The following LHFPL3 variants were observed in gnomAD, a reference collection of about 807,000 sequenced individuals.
LHFPL3 encodes LHFPL tetraspan subfamily member 3 protein.
A neutral mutation model predicts 19.3 loss-of-function variants in LHFPL3; 5 were observed. The ratio of observed to expected loss-of-function variants is 0.26; its 90% confidence interval spans 0.14 to 0.54. LHFPL3 has a LOEUF of 0.54. Among genes scored for constraint, LHFPL3 ranks in the 20% least tolerant of loss-of-function variants. LHFPL3 has a pLI of 0.94. For synonymous variants in LHFPL3, 133 were observed against 126.2 expected (o/e 1.05, Z -0.36); for missense variants, 249 against 307.4 (o/e 0.81, Z 1.42).
At chr7:104,749,280 C>G (rs1337044574) in intron 2 of LHFPL3, among the ~76,000 whole-genome samples, 1 of 152,254 alleles carries the variant, frequency 6.6e-6, no homozygotes, top group Non-Finnish European at 1.5e-5. Context: ...GTATAACAGT[C>G]AATTAATTTA....
At chr7:104,542,194 G>A (rs1281441940) in intron 1 of LHFPL3, among the ~76,000 whole-genome samples, 2 of 152,048 alleles carry the variant, frequency 1.3e-5, no homozygotes, top group South Asian at 2.1e-4. Context: ...TTGGGTTTTT[G>A]AGGCCCCAGT....
intron 2 of LHFPL3, among the ~76,000 whole-genome samples, chr7:104,798,027 G>A (rs56043784): frequency 6.6e-6 from 1 of 152,026 alleles, no homozygotes; most frequent in Non-Finnish European, 1.5e-5. Context: ...GGTGGCAGTG[G>A]GGGGGGCGGC....
chr7:104,849,444 G>C (rs577607281), intron 2 of LHFPL3, among the ~76,000 whole-genome samples: 7 of 152,346 alleles, frequency 4.6e-5, no homozygotes, highest in African/African-American at 1.7e-4. Flanking sequence ...GACCAGCCTG[G>C]CTCCTGGGGG....
At position 104,482,951 on chromosome 7, in the gene LHFPL3, C is replaced by T. The variant is rs149960287; in HGVS notation, c.445+153727C>T. On this transcript the variant is annotated intron_variant, in intron 1 of 2. Coordinates refer to ENST00000424859, the MANE Select transcript of LHFPL3 (RefSeq NM_199000.3). ...AATGTTTATTATCTGCCCGTATTGA[C>T]GTACGTGGGATTTCAGGAAATACGT... Among the ~76,000 whole-genome samples the T allele has an allele frequency of 2.5e-3, 388 of 152,344 alleles. 3 individuals carry two copies. The highest frequency in any genetic ancestry group is 8.8e-3 in the African/African-American group (365 of 41,570).
intron 1 of LHFPL3, among the ~76,000 whole-genome samples, chr7:104,437,732 G>A (rs1792138478): frequency 6.6e-6 from 1 of 152,180 alleles, no homozygotes; most frequent in African/African-American, 2.4e-5. Flanking sequence ...TGGTTATGGG[G>A]GTAGGGACAC....
chr7:104,774,393 G>T (rs925177819), intron 2 of LHFPL3, among the ~76,000 whole-genome samples: 5 of 152,188 alleles, frequency 3.3e-5, no homozygotes, highest in Non-Finnish European at 5.9e-5. Flanking sequence ...CAGTACAGAT[G>T]AAGAAACTAC....
chr7:104,366,008 C>G (rs1178150967), intron 1 of LHFPL3, among the ~76,000 whole-genome samples: 1 of 152,060 alleles, frequency 6.6e-6, no homozygotes, highest in Non-Finnish European at 1.5e-5. Context: ...TTTGACACAC[C>G]AGGACCAGGG....
At chr7:104,732,217 A>T (rs1360674016) in intron 1 of LHFPL3, among the ~76,000 whole-genome samples, 1 of 152,190 alleles carries the variant, frequency 6.6e-6, no homozygotes, top group Non-Finnish European at 1.5e-5. Flanking sequence ...AGGCTTTGGT[A>T]TCAGGATGGT....
chr7:104,777,743 T>C (rs1794656586), intron 2 of LHFPL3, among the ~76,000 whole-genome samples: 1 of 152,166 alleles, frequency 6.6e-6, no homozygotes, highest in African/African-American at 2.4e-5. Flanking sequence ...CAGTTGCCAT[T>C]GATGAACTTC....
At chr7:104,714,913 CTCTA>C (rs1201637984) in intron 1 of LHFPL3, among the ~76,000 whole-genome samples, 1 of 152,070 alleles carries the variant, frequency 6.6e-6, no homozygotes, top group Non-Finnish European at 1.5e-5. Flanking sequence ...TACATGCTCA[CTCTA>C]TATATATATA....
intron 1 of LHFPL3, among the ~76,000 whole-genome samples, chr7:104,450,672 T>C (rs557882310): frequency 2.0e-5 from 3 of 152,098 alleles, no homozygotes; most frequent in South Asian, 2.1e-4. Flanking sequence ...TGTATACCTA[T>C]GTAACAAACC....
chr7:104,505,519 G>C (rs1431641235), intron 1 of LHFPL3, among the ~76,000 whole-genome samples: 1 of 152,174 alleles, frequency 6.6e-6, no homozygotes, highest in East Asian at 1.9e-4. Flanking sequence ...AAAGAGGCAT[G>C]ATAACGCACT....
intron 1 of LHFPL3, among the ~76,000 whole-genome samples, chr7:104,548,437 G>C (rs1794609718): frequency 6.6e-6 from 1 of 152,076 alleles, no homozygotes; most frequent in Admixed American, 6.6e-5. Flanking sequence ...ACACATTCTA[G>C]ATGATTTACA....
intron 1 of LHFPL3, among the ~76,000 whole-genome samples, chr7:104,438,818 T>TTA (rs1554394197): frequency 2.6e-5 from 4 of 151,776 alleles, no homozygotes; most frequent in African/African-American, 7.2e-5. Context: ...GTTGATTTTT[T>TTA]AAAAAAACAA....
rs79630340 is a variant in LHFPL3, at chr7:104,825,161, G to A, written c.683-81026G>A. ...AAATAATAATAATAAATAAAGATAG[G>A]AGGACCATAGAAGGAACTGGGACTG... On this transcript the variant is annotated intron_variant, in intron 2 of 2. Transcript: ENST00000424859. 1.3e-4 allele frequency among the ~76,000 whole-genome samples: 19 copies of A among 151,584 alleles called. No homozygotes were observed. The East Asian group carries it at 1.9e-3, about 15-fold the overall frequency.
intron 1 of LHFPL3, among the ~76,000 whole-genome samples, chr7:104,492,268 A>C (rs1435054799): frequency 1.2e-5 from 1 of 83,370 alleles, no homozygotes; most frequent in African/African-American, 3.8e-5. Flanking sequence ...ACTAGTTAAC[A>C]GGAAATAATA....
intron 1 of LHFPL3, among the ~76,000 whole-genome samples, chr7:104,431,345 ACTGT>A (rs1252135623): frequency 6.6e-6 from 1 of 152,180 alleles, no homozygotes; most frequent in Non-Finnish European, 1.5e-5. Flanking sequence ...TTAATATAGT[ACTGT>A]CTATGTTTCC....
chr7:104,620,303 T>C (rs1791421613), intron 1 of LHFPL3, among the ~76,000 whole-genome samples: 1 of 152,156 alleles, frequency 6.6e-6, no homozygotes, highest in Admixed American at 6.5e-5. Flanking sequence ...ATTTTTTCAT[T>C]AGGAATAATC....
chr7:104,859,223 T>C (rs1791568175), intron 2 of LHFPL3, among the ~76,000 whole-genome samples: 1 of 148,378 alleles, frequency 6.7e-6, no homozygotes, highest in African/African-American at 2.5e-5. Context: ...ACCAAGATCA[T>C]ACCACTGCAC....
Sources: allele counts gnomAD v4.1 joint callset (sites outside exome capture counted in the v4.1 genomes callset), GRCh38; gene constraint gnomAD v4.1.1; transcripts MANE v1.5; gene names NCBI Gene and HGNC (gene_info 2026-07-23, HGNC 2026-07-21).